Variants in TRIO observed in about 807,000 individuals in gnomAD.
TRIO encodes the protein triple functional domain protein.
TRIO carries 58 observed loss-of-function variants against 351.9 expected under a neutral mutation model. That is an observed-to-expected ratio of 0.16 (90% CI 0.13 to 0.21). The LOEUF (loss-of-function observed/expected upper bound fraction) is 0.21, where lower values mean the gene tolerates loss of function less well. Among genes scored for constraint, TRIO ranks in the 10% least tolerant of loss-of-function variants. The pLI, the probability that TRIO is intolerant of heterozygous loss-of-function variation, is 1.00. For missense variants in TRIO, 3,201 were observed against 4,027.8 expected (o/e 0.79, Z 5.56); for synonymous variants, 1,758 against 1,595.7 (o/e 1.10, Z -2.42).
rs548776273 is a variant in TRIO, at chr5:14,380,856, G to A, written c.3448-274G>A. Reference sequence around the variant, plus strand: ...CAATAGACTGGATAAAGAAAATGTGGCACATATACACCATGGAATACTAAG... The same window carrying A: ...CAATAGACTGGATAAAGAAAATGTGACACATATACACCATGGAATACTAAG... On this transcript the variant is annotated intron_variant, in intron 20 of 56. Transcript: ENST00000344204. Among the ~76,000 whole-genome samples, 5 of 152,266 alleles carry A rather than the reference G, an allele frequency of 3.3e-5. No individual in the cohort carries two copies. The East Asian group carries it at 9.6e-4, about 29-fold the overall frequency.
chr5:14,332,094 A>G (rs988246118), intron 10 of TRIO, among the ~76,000 whole-genome samples: 2 of 152,186 alleles, frequency 1.3e-5, no homozygotes, highest in Non-Finnish European at 2.9e-5. Context: ...TATCTTTACT[A>G]TCATTAGTAA....
chr5:14,426,671 C>T (rs1369093692), intron 34 of TRIO, among the ~76,000 whole-genome samples: 1 of 152,124 alleles, frequency 6.6e-6, no homozygotes, highest in Non-Finnish European at 1.5e-5. Flanking sequence ...GAGAAAGCAG[C>T]GAGTCTCCGC....
chr5:14,469,481 G>A (rs896186247), intron 37 of TRIO, among the ~76,000 whole-genome samples: 1 of 152,188 alleles, frequency 6.6e-6, no homozygotes, highest in Non-Finnish European at 1.5e-5. Flanking sequence ...TATTTCTGTA[G>A]ACCTATCTTC....
chr5:14,385,702 C>A (rs1746482292), intron 21 of TRIO, among the ~76,000 whole-genome samples: 1 of 152,048 alleles, frequency 6.6e-6, no homozygotes, highest in Non-Finnish European at 1.5e-5. Flanking sequence ...AATTTTGAAT[C>A]CTGTAAATGT....
intron 1 of TRIO, among the ~76,000 whole-genome samples, chr5:14,243,750 C>T (rs548908410): frequency 3.9e-4 from 59 of 152,164 alleles, no homozygotes; most frequent in Middle Eastern, 3.4e-3. Flanking sequence ...AGCATTTTTT[C>T]TTTAATTGTG....
intron 1 of TRIO, among the ~76,000 whole-genome samples, chr5:14,194,576 T>C (rs964746315): frequency 6.6e-6 from 1 of 152,128 alleles, no homozygotes; most frequent in African/African-American, 2.4e-5. Context: ...GTTTCAAGGG[T>C]GGGATGTTAT....
intron 1 of TRIO, among the ~76,000 whole-genome samples, chr5:14,145,069 A>G (rs1787420474): frequency 6.6e-6 from 1 of 151,476 alleles, no homozygotes; most frequent in African/African-American, 2.4e-5. Context: ...GGCCTCGGGG[A>G]GGACGGCCGG....
In TRIO at chr5:14,266,036, C is replaced by G. The variant is rs140219817; in HGVS notation, c.158-4789C>G. Among the ~76,000 whole-genome samples, 554 of 152,142 alleles carry G rather than the reference C, an allele frequency of 3.6e-3. 10 individuals are homozygous for G. In the East Asian group the frequency reaches 0.07, roughly 19 times the overall value. On this transcript the variant is annotated intron_variant, in intron 1 of 56. Coordinates refer to ENST00000344204, the MANE Select transcript of TRIO (RefSeq NM_007118.4). ...GGTTGAGTTCATTGATTGATTGATT[C>G]ATTCATTCATCCATCCATCTTTCTT... is the stretch of plus-strand genomic sequence containing the variant.
intron 1 of TRIO, among the ~76,000 whole-genome samples, chr5:14,242,858 T>C (rs1794209618): frequency 6.6e-6 from 1 of 152,214 alleles, no homozygotes; most frequent in South Asian, 2.1e-4. Flanking sequence ...CCCACTCTAC[T>C]CTGCATTGTT....
chr5:14,277,354 C>G (rs1351675460), intron 2 of TRIO, among the ~76,000 whole-genome samples: 1 of 152,002 alleles, frequency 6.6e-6, no homozygotes, highest in African/African-American at 2.4e-5. Flanking sequence ...TTGTTTTTTG[C>G]TTTTTGACTA....
intron 1 of TRIO, among the ~76,000 whole-genome samples, chr5:14,236,732 A>G (rs551926541): frequency 3.9e-5 from 6 of 152,292 alleles, no homozygotes; most frequent in South Asian, 2.1e-4. Flanking sequence ...ATAGCATACA[A>G]TTTCCCCATT....
At chr5:14,175,009 G>C (rs992169546) in intron 1 of TRIO, among the ~76,000 whole-genome samples, 10 of 151,674 alleles carry the variant, frequency 6.6e-5, no homozygotes, top group African/African-American at 2.4e-4. Flanking sequence ...TTAATGTGTG[G>C]TAAAGATGCA....
intron 1 of TRIO, among the ~76,000 whole-genome samples, chr5:14,170,142 G>A (rs1345650501): frequency 2.0e-5 from 3 of 152,230 alleles, no homozygotes; most frequent in South Asian, 2.1e-4. Context: ...CCAAACCAGC[G>A]ATTTTTGTTA....
intron 47 of TRIO, among the ~76,000 whole-genome samples, chr5:14,486,331 C>T (rs1400515339): frequency 6.6e-6 from 1 of 152,224 alleles, no homozygotes; most frequent in Admixed American, 6.5e-5. Flanking sequence ...GCGTGATGTT[C>T]AAGAGCCAGG....
chr5:14,447,682 T>A (rs1401607057), intron 34 of TRIO, among the ~76,000 whole-genome samples: 1 of 151,950 alleles, frequency 6.6e-6, no homozygotes, highest in Non-Finnish European at 1.5e-5. Flanking sequence ...AGTGATTTCA[T>A]TTTTTTTCAA....
At chr5:14,377,944 A>G (rs1331507635) in intron 19 of TRIO, 68 bp from the exon 20 acceptor site, 1 of 1,206,602 alleles carries the variant, frequency 8.3e-7, no homozygotes, top group African/African-American at 1.5e-5. Flanking sequence ...AATAAAAATG[A>G]ATGGAATTTC....
chr5:14,250,315 G>GT (rs1561251393), intron 1 of TRIO, among the ~76,000 whole-genome samples: 4 of 152,196 alleles, frequency 2.6e-5, no homozygotes, highest in Admixed American at 6.5e-5. Flanking sequence ...GCGACTGTGC[G>GT]TTTGTAATTA....
rs76279393 is a variant in TRIO, at chr5:14,445,350, C to G, written c.5204-15669C>G. Reference sequence around the variant, plus strand: ...ATACCCCCCGCCAAATATCTAGTTTCTCTGAAACTATATGTGCTAAGTGGA... The same window carrying G: ...ATACCCCCCGCCAAATATCTAGTTTGTCTGAAACTATATGTGCTAAGTGGA... On this transcript the variant is annotated intron_variant, in intron 34 of 56. Coordinates refer to ENST00000344204, the MANE Select transcript of TRIO (RefSeq NM_007118.4). 2.1e-3 allele frequency among the ~76,000 whole-genome samples: 323 copies of G among 152,296 alleles called. 2 individuals carry two copies. Among genetic ancestry groups the G allele is most frequent in the Admixed American group, 4.6e-3 (70 of 15,296 alleles).
At chr5:14,394,249 T>G (rs1747368497) in intron 28 of TRIO, 119 bp downstream of exon 28, 1 of 628,028 alleles carries the variant, frequency 1.6e-6, no homozygotes, top group South Asian at 2.7e-5. Context: ...TTAATTTTAC[T>G]TTTTAATTCA....
Sources: gnomAD v4.1 joint callset for allele counts (sites outside exome capture counted in the v4.1 genomes callset) on GRCh38, gnomAD v4.1.1 for gene constraint, MANE v1.5 for transcripts, NCBI Gene and HGNC (gene_info 2026-07-23, HGNC 2026-07-21) for gene names.